The following RASA3 variants were observed in gnomAD, a reference collection of about 807,000 sequenced individuals.
The protein encoded by RASA3 is RAS p21 protein activator 3, also known as ras GTPase-activating protein 3.
A neutral mutation model predicts 110.0 loss-of-function variants in RASA3; 73 were observed. The ratio of observed to expected loss-of-function variants is 0.66; its 90% CI spans 0.55 to 0.81. RASA3 has a LOEUF of 0.81. RASA3 is among the 30% of genes least tolerant of loss of function. RASA3 has a pLI of 0.00. For missense variants in RASA3, 976 were observed against 1,113.2 expected (o/e 0.88, Z 1.75); for synonymous variants, 500 against 451.4 (o/e 1.11, Z -1.37).
chr13:114,038,325 C>T (rs943479309), intron 4 of RASA3, among the ~76,000 whole-genome samples: 9 of 152,378 alleles, frequency 5.9e-5, no homozygotes, highest in Admixed American at 5.2e-4. Flanking sequence ...TCTGCCGGGA[C>T]GCCAAGGTCC....
intron 2 of RASA3, among the ~76,000 whole-genome samples, chr13:114,059,911 G>T (rs1222589971): frequency 6.6e-6 from 1 of 152,250 alleles, no homozygotes; most frequent in South Asian, 2.1e-4. Context: ...GCCAGCCAAA[G>T]AGCACACAGA....
intron 18 of RASA3, among the ~76,000 whole-genome samples, chr13:114,002,292 G>C (rs991219691): frequency 6.6e-6 from 1 of 152,230 alleles, no homozygotes; most frequent in Non-Finnish European, 1.5e-5. Context: ...GACGCACACC[G>C]GAGGGTGTGG....
intron 1 of RASA3, among the ~76,000 whole-genome samples, chr13:114,079,931 G>A (rs1182521740): frequency 6.6e-6 from 1 of 152,212 alleles, no homozygotes; most frequent in Non-Finnish European, 1.5e-5. Context: ...GGGGCCCCGA[G>A]GCAGGGGACA....
Position 114,114,648 on chromosome 13 carries a change from C to T in RASA3, c.55+17787G>A, listed in dbSNP as rs954243911. On this transcript the variant is annotated intron_variant, in intron 1 of 23. Transcript: ENST00000334062. This position sits in a 1 kb window ranked among gnomAD's most constrained non-coding sequence, Gnocchi z 4.8. ...AGCACTATCACATATTTAATTGACT[C>T]GTAAAAGCAACTTGTTTTTCTTCAT... 1.2e-4 allele frequency among the ~76,000 whole-genome samples: 19 copies of T among 152,200 alleles called. No homozygotes were observed. Among genetic ancestry groups the T allele is most frequent in the Admixed American group, 1.3e-4 (2 of 15,282 alleles).
intron 1 of RASA3, among the ~76,000 whole-genome samples, chr13:114,076,351 T>G (rs9525386): frequency 0.58 from 88,124 of 152,018 alleles, 25,813 homozygotes; most frequent in African/African-American, 0.68. Context: ...TCTCCCGGGA[T>G]GCGCCTTCTT....
intron 21 of RASA3, among the ~76,000 whole-genome samples, chr13:113,994,338 T>C (rs9590421): frequency 0.012 from 1,790 of 152,320 alleles, 34 homozygotes; most frequent in African/African-American, 0.041. Context: ...TTCAACCATA[T>C]ATTTATGCTG....
intron 14 of RASA3, among the ~76,000 whole-genome samples, 198 bp downstream of exon 14, chr13:114,015,011 C>G (rs1007395101): frequency 6.6e-6 from 1 of 152,066 alleles, no homozygotes; most frequent in Non-Finnish European, 1.5e-5. Flanking sequence ...GCTGGGGTCC[C>G]CCAGAGACCA....
chr13:114,025,115 C>A (rs2054003758), intron 7 of RASA3, among the ~76,000 whole-genome samples: 1 of 152,230 alleles, frequency 6.6e-6, no homozygotes, highest in Non-Finnish European at 1.5e-5. Flanking sequence ...TCCTGCCCGG[C>A]CTCCCTCCCT....
At chr13:114,098,973 G>A (rs2079984225) in intron 1 of RASA3, among the ~76,000 whole-genome samples, 1 of 148,730 alleles carries the variant, frequency 6.7e-6, no homozygotes, top group South Asian at 2.2e-4. Context: ...GAGCCCCCCA[G>A]ACCACAGCAG....
intron 13 of RASA3, 64 bp from the exon 14 acceptor site, chr13:114,015,396 GGCACGCCCAGGGAGGGGC>G (rs1444674977): frequency 6.3e-7 from 1 of 1,591,140 alleles, no homozygotes; most frequent in East Asian, 2.2e-5. Flanking sequence ...GTAGCACCAG[GGCACGCCCAGGGAGGGGC>G]GCGTGGGGAG....
At chr13:113,988,680 C>A (rs2053026112) in intron 22 of RASA3, among the ~76,000 whole-genome samples, 1 of 61,326 alleles carries the variant, frequency 1.6e-5, no homozygotes, top group Non-Finnish European at 2.8e-5. Context: ...CCCATCTGTC[C>A]ATCCACCCAT....
chr13:114,024,423 G>C, intron 7 of RASA3, 68 bp from the exon 8 acceptor site: 4 of 1,433,636 alleles, frequency 2.8e-6, no homozygotes, highest in Middle Eastern at 1.9e-4. Flanking sequence ...TGCGGACCTA[G>C]GCCCCGGGCT....
Position 114,015,414 on chromosome 13 carries a change from C to A in RASA3, c.1282-82G>T, listed in dbSNP as rs551343617. ...GCACCAGGGCACGCCCAGGGAGGGG[C>A]GCGTGGGGAGGGGCTGAGGGCGGGC... On this transcript the variant is annotated intron_variant, in intron 13 of 23. Transcript: ENST00000334062. The A allele has an allele frequency of 1.3e-5, 21 of 1,562,422 alleles. No homozygotes were observed. The East Asian group carries it at 4.3e-4, about 32-fold the overall frequency.
At chr13:113,982,162 C>A (rs937395185) in intron 22 of RASA3, among the ~76,000 whole-genome samples, 4 of 152,368 alleles carry the variant, frequency 2.6e-5, no homozygotes, top group Admixed American at 1.3e-4. Context: ...GCCATTCTCA[C>A]AGGGGGATGT....
chr13:114,122,033 G>A (rs1046113727), intron 1 of RASA3, among the ~76,000 whole-genome samples: 3 of 152,232 alleles, frequency 2.0e-5, no homozygotes, highest in African/African-American at 7.2e-5. Flanking sequence ...AGTCCGTGGG[G>A]CCCACCGCAA....
At chr13:114,024,584 C>G (rs114693466) in intron 7 of RASA3, among the ~76,000 whole-genome samples, 328 of 152,350 alleles carry the variant, frequency 2.2e-3, no homozygotes, top group African/African-American at 7.3e-3. Flanking sequence ...AGACCTGCCC[C>G]AAGGCTGTTC....
chr13:114,087,505 A>C (rs1254536879), intron 1 of RASA3, among the ~76,000 whole-genome samples: 1 of 152,238 alleles, frequency 6.6e-6, no homozygotes, highest in African/African-American at 2.4e-5. Flanking sequence ...GAAATGAGCA[A>C]GTTTCCAGAG....
intron 1 of RASA3, among the ~76,000 whole-genome samples, chr13:114,130,512 G>C (rs967693857): frequency 2.0e-5 from 3 of 152,200 alleles, no homozygotes; most frequent in Admixed American, 6.5e-5. Flanking sequence ...CCTTCTCTCC[G>C]AGGGATCCTC....
intron 13 of RASA3, 119 bp from the exon 14 acceptor site, chr13:114,015,451 G>A (rs939389211): frequency 1.8e-5 from 23 of 1,279,200 alleles, no homozygotes; most frequent in Non-Finnish European, 2.2e-5. Context: ...CAGGGCAGCT[G>A]CGGCAGTGAG....
Sources: gnomAD v4.1 joint callset for allele counts (sites outside exome capture counted in the v4.1 genomes callset) on GRCh38, gnomAD v4.1.1 for gene constraint, Gnocchi (gnomAD v3.1) non-coding constraint, MANE v1.5 for transcripts, NCBI Gene and HGNC (gene_info 2026-07-23, HGNC 2026-07-21) for gene names.